Variants in SOX5 observed in about 807,000 individuals in gnomAD.
SOX5 encodes SRY-box transcription factor 5, also known as transcription factor SOX-5.
A neutral mutation model predicts 92.0 loss-of-function variants in SOX5; 9 were observed. That is an observed-to-expected ratio of 0.10 (90% CI 0.06 to 0.17). The LOEUF (loss-of-function observed/expected upper bound fraction) is 0.17, where lower values mean the gene tolerates loss of function less well. SOX5 is among the 10% of genes least tolerant of loss of function. The probability of loss-of-function intolerance (pLI) is 1.00; values close to 1 mark genes in which losing one functional copy is unlikely to be tolerated. For synonymous variants in SOX5, 344 were observed against 336.3 expected, an observed-to-expected ratio of 1.02 and a Z score of -0.25; for missense variants, 642 against 944.5, an observed-to-expected ratio of 0.68 and a Z score of 4.20.
chr12:24,482,253 C>T (rs544853142), intron 1 of SOX5, among the ~76,000 whole-genome samples: 1 of 152,178 alleles, frequency 6.6e-6, no homozygotes, highest in Admixed American at 6.5e-5. Context: ...AAGAAATATG[C>T]CAGCGTAGGA....
intron 3 of SOX5, among the ~76,000 whole-genome samples, chr12:23,817,241 T>C (rs2096012498): frequency 6.6e-6 from 1 of 152,206 alleles, no homozygotes; most frequent in African/African-American, 2.4e-5. Flanking sequence ...TAAGGTTAGG[T>C]ACCCATTATT....
intron 4 of SOX5, among the ~76,000 whole-genome samples, chr12:24,040,804 C>T (rs1335471591): frequency 4.6e-5 from 7 of 151,942 alleles, no homozygotes; most frequent in Non-Finnish European, 5.9e-5. Context: ...ACCTGGGAGG[C>T]GGAGCGTGCA....
chr12:24,390,100 T>G (rs193254400), intron 1 of SOX5, among the ~76,000 whole-genome samples: 72 of 152,304 alleles, frequency 4.7e-4, no homozygotes, highest in Non-Finnish European at 8.8e-5. Flanking sequence ...CTCCCCAAGT[T>G]TCTCGTTTTC....
intron 4 of SOX5, among the ~76,000 whole-genome samples, chr12:23,752,557 C>T (rs1387412512): frequency 6.6e-6 from 1 of 151,790 alleles, no homozygotes; most frequent in Non-Finnish European, 1.5e-5. Flanking sequence ...CAATGAATGA[C>T]CTTCGGTGTA....
intron 2 of SOX5, among the ~76,000 whole-genome samples, chr12:24,300,482 C>T (rs1045119190): frequency 3.9e-5 from 6 of 152,082 alleles, no homozygotes; most frequent in Non-Finnish European, 7.4e-5. Flanking sequence ...ATCCTTGCAA[C>T]GAGACCAATA....
chr12:23,974,564 C>G (rs905919826), intron 4 of SOX5, among the ~76,000 whole-genome samples: 1 of 152,120 alleles, frequency 6.6e-6, no homozygotes. Flanking sequence ...TCTTTCTTTT[C>G]GAAATCTAGA....
chr12:24,152,038 C>T (rs1593663408), intron 4 of SOX5, among the ~76,000 whole-genome samples: 2 of 152,200 alleles, frequency 1.3e-5, no homozygotes, highest in Non-Finnish European at 1.5e-5. Context: ...TTAAAACTCC[C>T]AGTCTTCCTC....
At chr12:23,540,013 C>T (rs1425189052) in intron 13 of SOX5, among the ~76,000 whole-genome samples, 18 of 151,652 alleles carry the variant, frequency 1.2e-4, no homozygotes, top group Admixed American at 1.2e-3. Flanking sequence ...GTACTATAAC[C>T]ATTGTATGCA....
chr12:23,819,092 A>G (rs912416866), intron 3 of SOX5, among the ~76,000 whole-genome samples: 1 of 152,252 alleles, frequency 6.6e-6, no homozygotes, highest in Non-Finnish European at 1.5e-5. Context: ...TCAGTAACAT[A>G]GCTGTTTATT....
At position 24,531,664 on chromosome 12, in the gene SOX5, T is replaced by A. The variant is rs564804322; in HGVS notation, c.-251+30665A>T. Among the ~76,000 whole-genome samples, 7 of 152,304 alleles carry A rather than the reference T, an allele frequency of 4.6e-5. No individual in the cohort carries two copies. In the East Asian group the frequency reaches 1.2e-3, roughly 25 times the overall value. On this transcript the variant is annotated intron_variant, in intron 1 of 4. Transcript: ENST00000446891. ...AGCCCCTGTTTTGTAATCTTCCAATTTCTGAGTGACCCAAGAAAACAGGTG... is the reference window on the plus strand; with the variant it reads ...AGCCCCTGTTTTGTAATCTTCCAATATCTGAGTGACCCAAGAAAACAGGTG...
chr12:23,566,678 A>G (rs1947154183), intron 10 of SOX5, among the ~76,000 whole-genome samples: 1 of 152,238 alleles, frequency 6.6e-6, no homozygotes, highest in Admixed American at 6.5e-5. Flanking sequence ...CTAAGTTGCA[A>G]TTGTCTCTTC....
intron 1 of SOX5, among the ~76,000 whole-genome samples, chr12:24,450,474 A>T (rs889297632): frequency 2.2e-5 from 3 of 134,570 alleles, no homozygotes; most frequent in African/African-American, 9.2e-5. Context: ...TATTTATTTT[A>T]TTTATTTATT....
At chr12:24,500,678 C>T (rs1316169416) in intron 1 of SOX5, among the ~76,000 whole-genome samples, 3 of 152,176 alleles carry the variant, frequency 2.0e-5, no homozygotes, top group Admixed American at 1.3e-4. Flanking sequence ...TTTCAAAACG[C>T]TCCATTTCTC....
chr12:24,052,714 T>G (rs777608374), intron 4 of SOX5, among the ~76,000 whole-genome samples: 12 of 152,240 alleles, frequency 7.9e-5, no homozygotes, highest in Non-Finnish European at 1.8e-4. Context: ...TATGGTCATC[T>G]TTTAATACAT....
chr12:23,963,637 A>T (rs35492132), intron 4 of SOX5, among the ~76,000 whole-genome samples: 1 of 152,022 alleles, frequency 6.6e-6, no homozygotes, highest in South Asian at 2.1e-4. Context: ...AGTCTAGCAT[A>T]CATGCATGCA....
chr12:24,051,187 G>A (rs1957528928), intron 4 of SOX5, among the ~76,000 whole-genome samples: 1 of 152,110 alleles, frequency 6.6e-6, no homozygotes, highest in South Asian at 2.1e-4. Flanking sequence ...GGCACAGGTT[G>A]ATTTTTTCTT....
At chr12:24,180,381 A>G (rs1955352771) in intron 4 of SOX5, among the ~76,000 whole-genome samples, 1 of 152,242 alleles carries the variant, frequency 6.6e-6, no homozygotes, top group African/African-American at 2.4e-5. Flanking sequence ...AAATGTCTCA[A>G]CTAAATATAT....
chr12:24,427,985 T>C (rs892615996), intron 1 of SOX5, among the ~76,000 whole-genome samples: 1 of 152,182 alleles, frequency 6.6e-6, no homozygotes, highest in Admixed American at 6.5e-5. Flanking sequence ...GAGCCTAGAC[T>C]GAAAAACAAA....
intron 4 of SOX5, among the ~76,000 whole-genome samples, chr12:24,033,009 A>C (rs1407571231): frequency 6.6e-6 from 1 of 151,918 alleles, no homozygotes; most frequent in East Asian, 1.9e-4. Flanking sequence ...CTTGAATTAC[A>C]TTAAAAGTTT....
Sources: allele counts gnomAD v4.1 joint callset (sites outside exome capture counted in the v4.1 genomes callset), GRCh38; gene constraint gnomAD v4.1.1; transcripts MANE v1.5; gene names NCBI Gene and HGNC (gene_info 2026-07-23, HGNC 2026-07-21).